SAMD5: variants seen among roughly 807,000 people sequenced by gnomAD.
The protein encoded by SAMD5 is sterile alpha motif domain-containing protein 5.
A neutral mutation model predicts 11.3 loss-of-function variants in SAMD5; 13 were observed. That is an observed-to-expected ratio of 1.15 (90% CI 0.75 to 1.83). The LOEUF is 1.83. Among genes scored for constraint, SAMD5 ranks in the 40% most tolerant of loss-of-function variants. SAMD5 has a pLI of 0.00. For synonymous variants in SAMD5, 129 were observed against 111.3 expected (o/e 1.16, Z -1.00); for missense variants, 255 against 239.1 (o/e 1.07, Z -0.44).
the SAMD5 span, among the ~76,000 whole-genome samples, chr6:147,802,694 C>T: frequency 6.6e-6 from 1 of 151,580 alleles, no homozygotes; most frequent in East Asian, 1.9e-4. Context: ...GCAGTATAGT[C>T]ATATAATAAA....
At chr6:147,828,312 C>T in the SAMD5 span, among the ~76,000 whole-genome samples, 2 of 152,122 alleles carry the variant, frequency 1.3e-5, no homozygotes, top group Non-Finnish European at 2.9e-5. Flanking sequence ...AAACCTTGGC[C>T]CTGCCCTTGC....
intron 1 of SAMD5, among the ~76,000 whole-genome samples, chr6:147,610,784 G>C (rs1401677048): frequency 6.6e-6 from 1 of 152,044 alleles, no homozygotes; most frequent in Non-Finnish European, 1.5e-5. Flanking sequence ...AGGATTTGGG[G>C]TTGAGCCCAG....
chr6:147,685,113 G>A (rs1790990967), intron 1 of SAMD5, among the ~76,000 whole-genome samples: 2 of 152,196 alleles, frequency 1.3e-5, no homozygotes, highest in African/African-American at 4.8e-5. Context: ...TCCTTTCTAA[G>A]TTTGGATCAG....
chr6:147,862,924 A>G, the SAMD5 span, among the ~76,000 whole-genome samples: 2 of 152,120 alleles, frequency 1.3e-5, no homozygotes, highest in Non-Finnish European at 2.9e-5. Context: ...GAAACTGCCC[A>G]TTGTACTGAA....
the SAMD5 span, among the ~76,000 whole-genome samples, chr6:147,781,220 A>G: frequency 6.7e-6 from 1 of 149,814 alleles, no homozygotes; most frequent in Non-Finnish European, 1.5e-5. Flanking sequence ...CAATGGCTTG[A>G]TCACAGCTCA....
At chr6:147,879,628 T>C in the SAMD5 span, among the ~76,000 whole-genome samples, 25 of 152,330 alleles carry the variant, frequency 1.6e-4, no homozygotes, top group Non-Finnish European at 2.8e-4. Flanking sequence ...AGAGATCTGA[T>C]CGAAATGCTA....
intron 1 of SAMD5, among the ~76,000 whole-genome samples, chr6:147,672,118 T>C (rs1203056132): frequency 6.6e-6 from 1 of 152,042 alleles, no homozygotes; most frequent in Non-Finnish European, 1.5e-5. Flanking sequence ...TAGCTTTTTA[T>C]AAAATATTAT....
At chr6:147,859,705 A>T in the SAMD5 span, among the ~76,000 whole-genome samples, 2 of 152,270 alleles carry the variant, frequency 1.3e-5, no homozygotes, top group South Asian at 2.1e-4. Flanking sequence ...ATTAGGTTGC[A>T]TGTAACCTAA....
At chr6:147,829,156 T>C in the SAMD5 span, among the ~76,000 whole-genome samples, 1 of 152,294 alleles carries the variant, frequency 6.6e-6, no homozygotes, top group African/African-American at 2.4e-5. Context: ...TAGGAAGTAG[T>C]TTGCTAATAT....
chr6:147,710,317 ACT>A (rs1267773096), intron 1 of SAMD5, among the ~76,000 whole-genome samples: 1 of 152,142 alleles, frequency 6.6e-6, no homozygotes, highest in African/African-American at 2.4e-5. Flanking sequence ...TCTTGGGCTC[ACT>A]CTCTGAGGTT....
At chr6:147,898,500 C>T in the SAMD5 span, among the ~76,000 whole-genome samples, 1 of 152,194 alleles carries the variant, frequency 6.6e-6, no homozygotes, top group Non-Finnish European at 1.5e-5. Flanking sequence ...AGCATCTTTA[C>T]TAGATTCACC....
intron 1 of SAMD5, among the ~76,000 whole-genome samples, chr6:147,524,393 G>GT (rs1788303617): frequency 6.6e-6 from 1 of 150,576 alleles, no homozygotes; most frequent in Non-Finnish European, 1.5e-5. Context: ...AGAGTAATGG[G>GT]TTTTTTTGTT....
At chr6:147,834,069 G>T in the SAMD5 span, among the ~76,000 whole-genome samples, 1 of 152,224 alleles carries the variant, frequency 6.6e-6, no homozygotes, top group Non-Finnish European at 1.5e-5. Flanking sequence ...AATTTCCCTT[G>T]TATTATCAGC....
chr6:147,832,050 T>C, the SAMD5 span, among the ~76,000 whole-genome samples: 14 of 152,178 alleles, frequency 9.2e-5, no homozygotes, highest in South Asian at 2.5e-3. Flanking sequence ...ATATTTTAAA[T>C]TGTGTGATAT....
At chr6:147,592,600 C>T (rs1384320631) in intron 1 of SAMD5, among the ~76,000 whole-genome samples, 3 of 151,874 alleles carry the variant, frequency 2.0e-5, no homozygotes, top group Non-Finnish European at 4.4e-5. Context: ...CTCGTAAAAG[C>T]CTAGGTTCAT....
At chr6:147,813,448 T>A in the SAMD5 span, among the ~76,000 whole-genome samples, 2 of 152,226 alleles carry the variant, frequency 1.3e-5, no homozygotes, top group African/African-American at 2.4e-5. Context: ...GTGTTTTCAT[T>A]CCATCTTAAA....
chr6:147,659,879 C>T (rs764587530), intron 1 of SAMD5, among the ~76,000 whole-genome samples: 6 of 152,296 alleles, frequency 3.9e-5, no homozygotes, highest in Middle Eastern at 3.4e-3. Flanking sequence ...CTGTAGGTCA[C>T]CGCCCTGTTG....
In SAMD5 at chr6:147,601,090, G is replaced by A. The variant is rs557544448; in HGVS notation, c.162+91703G>A. Among the ~76,000 whole-genome samples, 4 of 152,262 alleles carry A rather than the reference G, an allele frequency of 2.6e-5. No individual in the cohort carries two copies. In the East Asian group the frequency reaches 5.8e-4, roughly 22 times the overall value. On this transcript the variant is annotated intron_variant, in intron 1 of 1. Transcript: ENST00000566741. ...TGACAGATTTATTAGCTTTCTATTG[G>A]TTTCATTTAGAATACACAAGCTGAC...
the SAMD5 span, among the ~76,000 whole-genome samples, chr6:147,825,195 G>A: frequency 4.6e-5 from 7 of 152,108 alleles, no homozygotes; most frequent in Middle Eastern, 3.2e-3. Flanking sequence ...TACTAGGGAG[G>A]CTGAGGTAGG....
Sources: allele counts gnomAD v4.1 joint callset (sites outside exome capture counted in the v4.1 genomes callset), GRCh38; gene constraint gnomAD v4.1.1; transcripts MANE v1.5; gene names NCBI Gene and HGNC (gene_info 2026-07-23, HGNC 2026-07-21).